Variants in NCKAP5L observed in about 807,000 individuals in gnomAD.
The protein encoded by NCKAP5L is NCK associated protein 5 like, also known as nck-associated protein 5-like.
In NCKAP5L, 54 loss-of-function variants were observed where a neutral mutation model predicts 103.2. That is an observed-to-expected ratio of 0.52 (90% CI 0.42 to 0.66). The LOEUF is 0.66. Ranked by LOEUF, NCKAP5L falls within the 30% of genes least tolerant of loss-of-function variation. The pLI is 0.00. For synonymous variants in NCKAP5L, 762 were observed against 748.6 expected (o/e 1.02, Z -0.29); for missense variants, 1,733 against 1,750.6 (o/e 0.99, Z 0.18).
chr12:49,801,096 C>T (rs894336389), intron 6 of NCKAP5L, among the ~76,000 whole-genome samples: 1 of 152,246 alleles, frequency 6.6e-6, no homozygotes, highest in African/African-American at 2.4e-5. Context: ...GAGGGGCTGC[C>T]TGCTCAGGGG....
Position 49,821,560 on chromosome 12 carries a change from A to G in NCKAP5L, c.-99+6762T>C, listed in dbSNP as rs577561186. On this transcript the variant is annotated intron_variant, in intron 1 of 12. Coordinates refer to ENST00000335999, the MANE Select transcript of NCKAP5L (RefSeq NM_001037806.4). ...TCCTGGCCTGACTCCTGCTCCCAGC[A>G]TGTGTGCCATGTCATGTGCCTCGGC... 3.0e-3 allele frequency among the ~76,000 whole-genome samples: 450 copies of G among 152,376 alleles called. 2 individuals are homozygous for G. The highest frequency in any genetic ancestry group is 9.8e-3 in the African/African-American group (408 of 41,584).
intron 6 of NCKAP5L, among the ~76,000 whole-genome samples, chr12:49,800,151 C>T (rs185942700): frequency 2.7e-3 from 410 of 152,338 alleles, no homozygotes; most frequent in Non-Finnish European, 4.0e-3. Flanking sequence ...GCCGAGATCG[C>T]GCCATTGCAC....
Position 49,792,722 on chromosome 12 carries a change from A to G in NCKAP5L, c.3605T>C (p.Leu1202Pro). ...GCCCCGGTGGCCCGGAGCAGCGGGTAGCAGTGCAGGGAAGGCTGGCATGCT... is the reference window on the plus strand; with the variant it reads ...GCCCCGGTGGCCCGGAGCAGCGGGTGGCAGTGCAGGGAAGGCTGGCATGCT... ...HPSMPAFPAL[L>P]PAAPGHRGHE... The change falls in exon 11 of 13, where the codon CTA becomes CCA. Residue 1202 changes from leucine to proline, a missense_variant. Coordinates refer to ENST00000335999, the MANE Select transcript of NCKAP5L (RefSeq NM_001037806.4). The surrounding 1 kb of genome is among the most constrained non-coding windows in gnomAD (Gnocchi z 4.5). The G allele has an allele frequency of 1.2e-6, 2 of 1,611,140 alleles. No individual in the cohort carries two copies. Among genetic ancestry groups the G allele is most frequent in the Non-Finnish European group, 1.7e-6 (2 of 1,179,066 alleles).
intron 1 of NCKAP5L, among the ~76,000 whole-genome samples, chr12:49,817,610 A>C (rs941483776): frequency 6.6e-5 from 10 of 152,154 alleles, no homozygotes; most frequent in Admixed American, 5.2e-4. Context: ...TGGTACTGGC[A>C]TAAAAACAGA....
chr12:49,796,623 C>T lies in NCKAP5L; in HGVS notation c.1237G>A (p.Gly413Arg), dbSNP rs1241769379. The T allele has an allele frequency of 6.3e-7, 1 of 1,596,950 alleles. No homozygotes were observed. Among genetic ancestry groups the T allele is most frequent in the Admixed American group, 1.8e-5 (1 of 56,828 alleles). ...GGCCGAGAGCCCAGTGGGGCATCCC[C>T]AGCACCCATGAACATGCTAAGGAAG... ...LPFLSMFMGA[G>R]DAPLGSRPGH... The change falls in exon 8 of 13, where the codon GGG becomes AGG. Residue 413 changes from glycine to arginine, a missense_variant. Gly to Arg is a moderately radical substitution (Grantham distance 125). Coordinates refer to ENST00000335999, the MANE Select transcript of NCKAP5L (RefSeq NM_001037806.4).
rs764356291 is a variant in NCKAP5L at position 49,796,604 on chromosome 12, G to T, written c.1256C>A (p.Ser419Tyr). Reference sequence around the variant, plus strand: ...TGAGGAATGGGGGTGGCCAGGCCGAGAGCCCAGTGGGGCATCCCCAGCACC... The same window carrying T: ...TGAGGAATGGGGGTGGCCAGGCCGATAGCCCAGTGGGGCATCCCCAGCACC... Reference protein sequence around the residue: ...FMGAGDAPLGSRPGHPHSSSQ... With the variant: ...FMGAGDAPLGYRPGHPHSSSQ... Residue 419 changes from serine (S) to tyrosine (Y), a missense_variant, in exon 8 of 13, where the codon TCT becomes TAT. By Grantham distance (144) the Ser-to-Tyr change is moderately radical. Coordinates refer to ENST00000335999, the MANE Select transcript of NCKAP5L (RefSeq NM_001037806.4). The T allele has an allele frequency of 6.2e-7, 1 of 1,601,068 alleles. No individual in the cohort carries two copies. The highest frequency in any genetic ancestry group is 8.5e-7 in the Non-Finnish European group (1 of 1,174,780).
rs943857413 is a variant in NCKAP5L at position 49,791,691 on chromosome 12, G to A, written c.*148C>T. Reference sequence around the variant, plus strand: ...CCGCCGAAGCAGTGGGTGGTGGGGTGTGCCAGGGACCCCCTTTTCACCTTC... The same window carrying A: ...CCGCCGAAGCAGTGGGTGGTGGGGTATGCCAGGGACCCCCTTTTCACCTTC... On this transcript the variant is annotated 3_prime_UTR_variant, in exon 13 of 13. Coordinates refer to ENST00000335999, the MANE Select transcript of NCKAP5L (RefSeq NM_001037806.4). 6.2e-6 allele frequency: 4 copies of A among 643,942 alleles called. No individual in the cohort carries two copies. Among genetic ancestry groups the A allele is most frequent in the Admixed American group, 3.3e-5 (1 of 30,546 alleles). 39.9% of individuals were successfully genotyped at this position (643,942 alleles called of 1,614,324 possible).
chr12:49,793,707 C>A, intron 9 of NCKAP5L, 27 bp downstream of exon 9: 1 of 1,520,350 alleles, frequency 6.6e-7, no homozygotes, highest in Non-Finnish European at 8.8e-7. Flanking sequence ...CCAGGCCGTC[C>A]ACCCAGTCCC....
chr12:49,803,880 C>T lies in NCKAP5L; in HGVS notation c.123+42G>A, dbSNP rs537324839. On this transcript the variant is annotated intron_variant, in intron 3 of 12. Coordinates refer to ENST00000335999, the MANE Select transcript of NCKAP5L (RefSeq NM_001037806.4). ...GAGGGGCAGCCCTGCCTCCCCAGGG[C>T]TCTGGCTGGCACTGCTGCCCCTACC... 113 of 1,590,156 alleles carry T rather than the reference C, an allele frequency of 7.1e-5. 2 individuals carry two copies. The South Asian group carries it at 1.3e-3, about 18-fold the overall frequency.
In NCKAP5L at chr12:49,795,404, G is replaced by A. The variant is rs1477416534; in HGVS notation, c.2456C>T (p.Pro819Leu). ...KSPHSSPTKLPSKSPTKVVPR... is the reference protein window; with the variant it reads ...KSPHSSPTKLLSKSPTKVVPR... ...CACCACCTTGGTTGGTGACTTGGAA[G>A]GGAGCTTGGTGGGGCTGCTGTGAGG... Residue 819 changes from proline to leucine, a missense_variant, in exon 8 of 13, where the codon CCT (proline) becomes CTT (leucine). By Grantham distance (98) the Pro-to-Leu change is moderately conservative. Transcript: ENST00000335999. The A allele has an allele frequency of 3.2e-6, 5 of 1,581,282 alleles. No individual in the cohort carries two copies. In the African/African-American group the frequency reaches 4.1e-5, roughly 13 times the overall value.
chr12:49,797,408 T>A lies in NCKAP5L; in HGVS notation c.466-14A>T, dbSNP rs534395663. The A allele has an allele frequency of 1.2e-4, 185 of 1,573,132 alleles. 2 individuals carry two copies. The South Asian group carries it at 2.0e-3, about 17-fold the overall frequency. ...CTCCCAACATACCTTAGGGGAGAGA[T>A]GATGGCATGAGGAGGAGACCACACA... On this transcript the variant is annotated splice_polypyrimidine_tract_variant and intron_variant, in intron 7 of 12. Coordinates refer to ENST00000335999, the MANE Select transcript of NCKAP5L (RefSeq NM_001037806.4). This position sits in a 1 kb window ranked among gnomAD's most constrained non-coding sequence, Gnocchi z 4.5.
At chr12:49,827,400 C>G (rs1257250835) in intron 1 of NCKAP5L, among the ~76,000 whole-genome samples, 2 of 152,234 alleles carry the variant, frequency 1.3e-5, no homozygotes, top group African/African-American at 2.4e-5. Flanking sequence ...GTGGACTCAG[C>G]TGATCCAGCC....
intron 1 of NCKAP5L, among the ~76,000 whole-genome samples, chr12:49,827,010 C>A (rs1488494928): frequency 6.6e-6 from 1 of 152,204 alleles, no homozygotes; most frequent in Non-Finnish European, 1.5e-5. Context: ...AGGAAACCCA[C>A]TAATCCCAGG....
intron 6 of NCKAP5L, among the ~76,000 whole-genome samples, chr12:49,801,021 G>A (rs895895410): frequency 6.6e-6 from 1 of 152,196 alleles, no homozygotes; most frequent in South Asian, 2.1e-4. Context: ...CTGGCGAGAC[G>A]GGGGCTCCAG....
intron 1 of NCKAP5L, among the ~76,000 whole-genome samples, chr12:49,811,530 C>CT (rs1432789280): frequency 1.3e-5 from 2 of 152,088 alleles, no homozygotes; most frequent in African/African-American, 4.8e-5. Flanking sequence ...TTGTCCCAGA[C>CT]TTTCCCCATT....
In NCKAP5L at chr12:49,792,332, T is replaced by G. The variant is rs1406690975; in HGVS notation, c.3792+114A>C. ...TCCCAGGGGTCCTCCTCCCAGAGGG[T>G]GCAGCACTGAGACTGTGCGACACAC... is the stretch of plus-strand genomic sequence containing the variant. On this transcript the variant is annotated intron_variant, in intron 12 of 12. Transcript: ENST00000335999. This position sits in a 1 kb window ranked among gnomAD's most constrained non-coding sequence, Gnocchi z 4.5. 1 of 1,544,256 alleles carries G rather than the reference T, an allele frequency of 6.5e-7. No homozygotes were observed. The highest frequency in any genetic ancestry group is 8.7e-7 in the Non-Finnish European group (1 of 1,145,144).
chr12:49,793,692 G>A (rs748182796), intron 9 of NCKAP5L, 42 bp downstream of exon 9: 1 of 1,510,068 alleles, frequency 6.6e-7, no homozygotes, highest in Admixed American at 2.3e-5. Flanking sequence ...GGCAGGGCCA[G>A]AGAGCCAGGC....
rs1163941989 is a variant in NCKAP5L at position 49,816,495 on chromosome 12, C to CAAAAAAAA, written c.-98-10462_-98-10455dup. 9.2e-3 allele frequency among the ~76,000 whole-genome samples: 455 copies of CAAAAAAAA among 49,366 alleles called. 26 individuals carry two copies. Among genetic ancestry groups the CAAAAAAAA allele is most frequent in the East Asian group, 0.03 (45 of 1,488 alleles). 32.4% of individuals were successfully genotyped at this position (49,366 alleles called of 152,430 possible). A position where few individuals can be genotyped will look rare whatever the true frequency, so the allele number is the denominator to read the frequency against. On this transcript the variant is annotated intron_variant, in intron 1 of 12. Coordinates refer to ENST00000335999, the MANE Select transcript of NCKAP5L (RefSeq NM_001037806.4). Reference sequence around the variant, plus strand: ...ACCCTTTCAAAGTTCTCAACCCTCTCAAAAAAAAAAAAAAAAAAAAAAGGC... The same window carrying CAAAAAAAA: ...ACCCTTTCAAAGTTCTCAACCCTCTCAAAAAAAAAAAAAAAAAAAAAAAAAAAAAAGGC...
chr12:49,818,341 A>G (rs571630638), intron 1 of NCKAP5L, among the ~76,000 whole-genome samples: 1 of 152,278 alleles, frequency 6.6e-6, no homozygotes, highest in South Asian at 2.1e-4. Context: ...GAGACAATCT[A>G]CAGAATAGGA....
Sources: allele counts gnomAD v4.1 joint callset (sites outside exome capture counted in the v4.1 genomes callset), GRCh38; gene constraint gnomAD v4.1.1; non-coding constraint Gnocchi (gnomAD v3.1); transcripts MANE v1.5; gene names NCBI Gene and HGNC (gene_info 2026-07-23, HGNC 2026-07-21).